Variants in CERKL observed in about 807,000 individuals in gnomAD.
The protein encoded by CERKL is CERK like autophagy regulator.
A neutral mutation model predicts 63.4 loss-of-function variants in CERKL; 61 were observed. That is an observed-to-expected ratio of 0.96 (90% CI 0.78 to 1.19). CERKL has a LOEUF of 1.19. Ranked by LOEUF, CERKL falls within the 50% of genes most tolerant of loss-of-function variation. The pLI, the probability that CERKL is intolerant of heterozygous loss-of-function variation, is 0.00. For synonymous variants in CERKL, 250 were observed against 230.5 expected (o/e 1.08, Z -0.77); for missense variants, 675 against 655.5 (o/e 1.03, Z -0.33).
intron 1 of CERKL, among the ~76,000 whole-genome samples, chr2:181,645,276 TTATAA>T (rs1048494834): frequency 2.6e-5 from 4 of 152,216 alleles, no homozygotes; most frequent in East Asian, 3.8e-4. Flanking sequence ...AGTCACCAAG[TTATAA>T]TAGAATAGGC....
At chr2:181,567,829 G>A (rs1414045980) in intron 3 of CERKL, among the ~76,000 whole-genome samples, 1 of 152,136 alleles carries the variant, frequency 6.6e-6, no homozygotes, top group African/African-American at 2.4e-5. Context: ...TAGTAGAAAG[G>A]ACCAAATATG....
chr2:181,613,666 T>C (rs1686069518), intron 1 of CERKL, among the ~76,000 whole-genome samples: 1 of 152,238 alleles, frequency 6.6e-6, no homozygotes, highest in Non-Finnish European at 1.5e-5. Flanking sequence ...AAATTAGTAA[T>C]TTGTGAATTC....
At chr2:181,642,267 C>G (rs1046034139) in intron 1 of CERKL, among the ~76,000 whole-genome samples, 1 of 152,156 alleles carries the variant, frequency 6.6e-6, no homozygotes, top group African/African-American at 2.4e-5. Flanking sequence ...TTTCTGACCA[C>G]ACAGTCTACC....
At chr2:181,629,592 G>T (rs139374772) in intron 1 of CERKL, among the ~76,000 whole-genome samples, 37 of 151,126 alleles carry the variant, frequency 2.4e-4, no homozygotes, top group Non-Finnish European at 4.0e-4. Context: ...TGGGGGGGTG[G>T]TTCTGACACT....
chr2:181,649,059 A>T (rs1007685087), intron 1 of CERKL, among the ~76,000 whole-genome samples: 1 of 152,222 alleles, frequency 6.6e-6, no homozygotes, highest in Non-Finnish European at 1.5e-5. Flanking sequence ...GGGAGAAATA[A>T]GTTCTTATCA....
chr2:181,591,278 A>T (rs1438252134), intron 2 of CERKL, among the ~76,000 whole-genome samples: 3 of 152,152 alleles, frequency 2.0e-5, no homozygotes, highest in African/African-American at 7.2e-5. Flanking sequence ...GGTTACCTAT[A>T]AGGGGTAAGA....
chr2:181,577,270 G>A (rs888565197), intron 2 of CERKL, among the ~76,000 whole-genome samples: 1 of 152,102 alleles, frequency 6.6e-6, no homozygotes, highest in Non-Finnish European at 1.5e-5. Context: ...AAGTCTTCAG[G>A]GAGTAAAGAA....
chr2:181,652,325 C>A (rs1687976799), intron 1 of CERKL, among the ~76,000 whole-genome samples: 1 of 152,010 alleles, frequency 6.6e-6, no homozygotes. Context: ...AATGGAAAGC[C>A]CAGAAATAAA....
In CERKL at chr2:181,538,070, T is replaced by C. The variant is rs766876969; in HGVS notation, c.*114A>G. On this transcript the variant is annotated 3_prime_UTR_variant, in exon 13 of 13. Transcript: ENST00000410087. ...AACCATTCCCCCATCCACGGAAAAATTGTCTTCCATGAAACTGGTCCCAAA... is the reference window on the plus strand; with the variant it reads ...AACCATTCCCCCATCCACGGAAAAACTGTCTTCCATGAAACTGGTCCCAAA... The C allele has an allele frequency of 1.4e-4, 99 of 730,820 alleles. No individual in the cohort carries two copies. The highest frequency in any genetic ancestry group is 3.7e-4 in the East Asian group (14 of 37,410). The allele number at this position is 730,820 out of a possible 1,614,324, so 45.3% of individuals were successfully genotyped here. A position where few individuals can be genotyped will look rare whatever the true frequency, so the allele number is the denominator to read the frequency against.
chr2:181,542,845 G>A (rs1332951066), intron 11 of CERKL, among the ~76,000 whole-genome samples: 1 of 152,104 alleles, frequency 6.6e-6, no homozygotes, highest in Non-Finnish European at 1.5e-5. Context: ...CTGTATGTCT[G>A]TCTTTATGTG....
intron 1 of CERKL, among the ~76,000 whole-genome samples, chr2:181,646,670 T>A (rs948184829): frequency 6.6e-6 from 1 of 152,202 alleles, no homozygotes; most frequent in Non-Finnish European, 1.5e-5. Flanking sequence ...GAAGTTCCCA[T>A]GAGAGACTGA....
intron 1 of CERKL, among the ~76,000 whole-genome samples, chr2:181,652,408 C>A (rs1376789466): frequency 6.6e-6 from 1 of 152,106 alleles, no homozygotes; most frequent in African/African-American, 2.4e-5. Flanking sequence ...ACAGTCTCTT[C>A]AACAAATGGT....
At chr2:181,623,078 T>G (rs547685718) in intron 1 of CERKL, among the ~76,000 whole-genome samples, 1 of 152,212 alleles carries the variant, frequency 6.6e-6, no homozygotes, top group African/African-American at 2.4e-5. Context: ...TTTCAGGTGA[T>G]CCTCACAAGT....
chr2:181,650,910 A>G (rs1314054320), intron 1 of CERKL, among the ~76,000 whole-genome samples: 1 of 152,234 alleles, frequency 6.6e-6, no homozygotes, highest in Non-Finnish European at 1.5e-5. Context: ...TTGGTTTTCA[A>G]CAAGTTTCAT....
intron 11 of CERKL, among the ~76,000 whole-genome samples, chr2:181,539,468 G>T (rs1687390565): frequency 6.6e-6 from 1 of 152,056 alleles, no homozygotes; most frequent in Non-Finnish European, 1.5e-5. Context: ...TTTAGATCTA[G>T]CACCTAGAAA....
chr2:181,600,496 G>A (rs1185548121), intron 2 of CERKL, among the ~76,000 whole-genome samples: 1 of 152,010 alleles, frequency 6.6e-6, no homozygotes, highest in Non-Finnish European at 1.5e-5. Context: ...ACAACCATGG[G>A]CTCAAAGTGA....
rs199533309 is a variant in CERKL at position 181,536,688 on chromosome 2, A to AATATTTTTATAGTTTG, written c.*1480_*1495dup. On this transcript the variant is annotated 3_prime_UTR_variant, in exon 13 of 13. Transcript: ENST00000410087. ...ACAGCAAAATTTTCATGAAATGTAA[A>AATATTTTTATAGTTTG]ATATTTTTATAGTTTGTTCATACTA... 9.0e-3 allele frequency: 1,581 copies of AATATTTTTATAGTTTG among 176,060 alleles called. 10 individuals are homozygous for AATATTTTTATAGTTTG. Among genetic ancestry groups the AATATTTTTATAGTTTG allele is most frequent in the Non-Finnish European group, 0.014 (1,105 of 81,798 alleles). The allele number at this position is 176,060 out of a possible 1,614,324, so 10.9% of individuals were successfully genotyped here. A position where few individuals can be genotyped will look rare whatever the true frequency, so the allele number is the denominator to read the frequency against.
At chr2:181,631,206 T>G (rs549107219) in intron 1 of CERKL, among the ~76,000 whole-genome samples, 8 of 152,338 alleles carry the variant, frequency 5.3e-5, no homozygotes, top group Admixed American at 2.0e-4. Flanking sequence ...TCTTCTATAT[T>G]TTTACTCCCA....
chr2:181,584,739 C>T (rs1010495058), intron 2 of CERKL, among the ~76,000 whole-genome samples: 8 of 151,770 alleles, frequency 5.3e-5, no homozygotes, highest in African/African-American at 1.9e-4. Context: ...ACACCACTCT[C>T]TCCACTTAGT....
Sources: gnomAD v4.1 joint callset for allele counts (sites outside exome capture counted in the v4.1 genomes callset) on GRCh38, gnomAD v4.1.1 for gene constraint, MANE v1.5 for transcripts, NCBI Gene and HGNC (gene_info 2026-07-23, HGNC 2026-07-21) for gene names.